CDHR2: variants seen among roughly 807,000 people sequenced by gnomAD.
The protein encoded by CDHR2 is cadherin-related family member 2.
Under a neutral mutation model 138.6 loss-of-function variants are expected in CDHR2, and 104 were observed. That is an observed-to-expected ratio of 0.75 (90% CI 0.64 to 0.88). CDHR2 has a LOEUF of 0.88. Among genes scored for constraint, CDHR2 ranks in the 40% least tolerant of loss-of-function variants. CDHR2 has a pLI of 0.00. For synonymous variants in CDHR2, 755 were observed against 742.8 expected, an observed-to-expected ratio of 1.02 and a Z score of -0.27; for missense variants, 1,624 against 1,727.6, an observed-to-expected ratio of 0.94 and a Z score of 1.06.
chr5:176,578,407 G>A lies in CDHR2; in HGVS notation c.1617G>A (p.Thr539=), dbSNP rs771061178. ...TGGATCCCGTCTCAGGGACGGTGACGGTGAGGAACGGTGAGCTGCTGGACC... is the reference window on the plus strand; with the variant it reads ...TGGATCCCGTCTCAGGGACGGTGACAGTGAGGAACGGTGAGCTGCTGGACC... The part of the protein sequence containing the change: ...FQVDPVSGTV[T]VRNGELLDRE... The change falls in exon 16 of 32, where the codon ACG becomes ACA. Residue 539 remains threonine, a synonymous_variant. Coordinates refer to ENST00000261944, the MANE Select transcript of CDHR2 (RefSeq NM_017675.6). 3.1e-6 allele frequency: 5 copies of A among 1,614,020 alleles called. No individual in the cohort carries two copies. Among genetic ancestry groups the A allele is most frequent in the South Asian group, 2.2e-5 (2 of 91,022 alleles).
intron 2 of CDHR2, 79 bp from the exon 3 acceptor site, chr5:176,565,593 G>A: frequency 7.4e-7 from 1 of 1,359,740 alleles, no homozygotes. Context: ...ATAAGGACTA[G>A]TGTGTGCTCC....
chr5:176,571,286 C>T lies in CDHR2; in HGVS notation c.389C>T (p.Ser130Phe). The T allele has an allele frequency of 6.2e-7, 1 of 1,607,882 alleles. No individual in the cohort carries two copies. Among genetic ancestry groups the T allele is most frequent in the Non-Finnish European group, 8.5e-7 (1 of 1,177,274 alleles). ...CCCGTTTTCCAGAACACCGCTTTCT[C>T]CACCAGCATCAACGAGGTGACACCT... ...NAPVFQNTAFSTSINETLPVG... is the reference protein window; with the variant it reads ...NAPVFQNTAFFTSINETLPVG... The change falls in exon 6 of 32, where the codon TCC (serine) becomes TTC (phenylalanine). Residue 130 changes from serine (S) to phenylalanine (F), a missense_variant. Ser to Phe is a radical substitution (Grantham distance 155). This residue lies in a region of CDHR2 where 1,061 missense variants were observed against 1,136.6 expected (regional missense o/e 0.93). Transcript: ENST00000261944.
At chr5:176,575,648 T>TGGAGGCAATGGGCCTGGGGCTCCGTC in intron 10 of CDHR2, 67 bp downstream of exon 10, 1 of 1,597,682 alleles carries the variant, frequency 6.3e-7, no homozygotes, top group South Asian at 1.1e-5. Context: ...TCAGAGTCCC[T>TGGAGGCAATGGGCCTGGGGCTCCGTC]GGAGGCAATG....
chr5:176,573,593 G>A (rs1262408726), intron 6 of CDHR2, among the ~76,000 whole-genome samples: 1 of 151,896 alleles, frequency 6.6e-6, no homozygotes, highest in East Asian at 1.9e-4. Flanking sequence ...GTTACAGTGA[G>A]CCGAGATCGT....
chr5:176,586,550 G>A (rs1758673606), intron 20 of CDHR2: 4 of 541,732 alleles, frequency 7.4e-6, no homozygotes, highest in Admixed American at 6.4e-5. Context: ...CCCTGGGCCA[G>A]GACTTCCCTC....
chr5:176,551,188 A>T (rs1392554287), intron 1 of CDHR2, among the ~76,000 whole-genome samples: 1 of 150,402 alleles, frequency 6.6e-6, no homozygotes, highest in African/African-American at 2.5e-5. Flanking sequence ...TTTTTTTGTG[A>T]GATGGAGTCT....
At position 176,581,525 on chromosome 5, in the gene CDHR2, G is replaced by T; in HGVS notation, c.2001G>T (p.Val667=). 2 of 1,614,180 alleles carry T rather than the reference G, an allele frequency of 1.2e-6. No homozygotes were observed. Among genetic ancestry groups the T allele is most frequent in the African/African-American group, 1.3e-5 (1 of 75,066 alleles). ...LEGRIVLTVL[V]SDCGEPVLGT... is the part of the protein sequence containing the mutation. ...GCCGCATTGTGCTGACAGTGCTTGT[G>T]TCTGACTGCGGCGAGCCTGTCCTCG... is the stretch of plus-strand genomic sequence containing the variant. Residue 667 remains valine (V), a synonymous_variant, in exon 17 of 32, where the codon GTG becomes GTT. Transcript: ENST00000261944.
At chr5:176,545,612 G>A (rs1757570571), upstream of CDHR2, among the ~76,000 whole-genome samples, 2 of 152,208 alleles carry the variant, frequency 1.3e-5, no homozygotes, top group Admixed American at 1.3e-4. Flanking sequence ...GGCCTATGAG[G>A]TGGAGTCTGC....
intron 21 of CDHR2, 138 bp downstream of exon 21, chr5:176,586,980 C>G: frequency 4.4e-6 from 3 of 682,672 alleles, no homozygotes; most frequent in Middle Eastern, 2.7e-4. Context: ...GGGAAACCAA[C>G]ACCTGTCTAA....
Position 176,584,247 on chromosome 5 carries a change from G to A in CDHR2, c.2116G>A (p.Glu706Lys). The change falls in exon 18 of 32, where the codon GAG (glutamate) becomes AAG (lysine). Residue 706 changes from glutamate (E) to lysine (K), a missense_variant. Physicochemically the swap from Glu to Lys is moderately conservative, Grantham distance 56 (BLOSUM62 1). Transcript: ENST00000261944. ...NQSSYNFTVK[E>K]EDPGVLVGVV... is the part of the protein sequence containing the mutation. Reference sequence around the variant, plus strand: ...GTCCAGCTACAACTTTACGGTGAAGGAGGAGGATCCAGGTATGTGCTCCCT... The same window carrying A: ...GTCCAGCTACAACTTTACGGTGAAGAAGGAGGATCCAGGTATGTGCTCCCT... The A allele has an allele frequency of 6.2e-7, 1 of 1,613,966 alleles. No homozygotes were observed. Among genetic ancestry groups the A allele is most frequent in the Non-Finnish European group, 8.5e-7 (1 of 1,179,832 alleles).
intron 31 of CDHR2, among the ~76,000 whole-genome samples, chr5:176,593,805 T>C (rs1232195035): frequency 6.6e-6 from 1 of 152,142 alleles, no homozygotes; most frequent in African/African-American, 2.4e-5. Context: ...GTCTTTAAAA[T>C]GGTAGAATGT....
intron 1 of CDHR2, among the ~76,000 whole-genome samples, chr5:176,558,386 T>G (rs936928366): frequency 6.7e-6 from 1 of 149,988 alleles, no homozygotes; most frequent in Non-Finnish European, 1.5e-5. Context: ...CAGCTAATTT[T>G]TTTTTTTTTT....
chr5:176,592,279 G>T (rs1255766478), intron 30 of CDHR2, among the ~76,000 whole-genome samples: 2 of 149,840 alleles, frequency 1.3e-5, no homozygotes, highest in Non-Finnish European at 3.0e-5. Flanking sequence ...TGATGATGGT[G>T]GTGATGGTGA....
chr5:176,576,137 C>A lies in CDHR2; in HGVS notation c.1146C>A (p.Pro382=), dbSNP rs537721550. The A allele has an allele frequency of 6.2e-7, 1 of 1,614,050 alleles. No homozygotes were observed. Among genetic ancestry groups the A allele is most frequent in the Non-Finnish European group, 8.5e-7 (1 of 1,180,052 alleles). The change falls in exon 12 of 32, where the codon CCC becomes CCA. Residue 382 remains proline (P), a synonymous_variant. Coordinates refer to ENST00000261944, the MANE Select transcript of CDHR2 (RefSeq NM_017675.6). The surrounding 1 kb of genome is among the most constrained non-coding windows in gnomAD (Gnocchi z 4.5). ...GCTACGTGGACGAGCATGCCTCCCC[C>A]CGCATCCCCATCGATGACCTCACCA... is the stretch of plus-strand genomic sequence containing the variant. The part of the protein sequence containing the change: ...FTGYVDEHAS[P]RIPIDDLTMV...
chr5:176,581,077 C>T (rs1758518875), intron 16 of CDHR2, among the ~76,000 whole-genome samples: 2 of 152,118 alleles, frequency 1.3e-5, no homozygotes, highest in Non-Finnish European at 2.9e-5. Context: ...TTTCTTTGCA[C>T]CTGGAACGGG....
upstream of CDHR2, among the ~76,000 whole-genome samples, chr5:176,545,489 A>G (rs565628312): frequency 1.3e-5 from 2 of 152,358 alleles, no homozygotes; most frequent in South Asian, 2.1e-4. Flanking sequence ...CACTTCAGAC[A>G]GTGGCTGTGA....
At chr5:176,567,078 CCT>C (rs1423534769) in intron 3 of CDHR2, 7 of 454,442 alleles carry the variant, frequency 1.5e-5, no homozygotes, top group Admixed American at 1.4e-4. Context: ...CAGAAAGTTC[CCT>C]GTGTCCAGTT....
intron 16 of CDHR2, among the ~76,000 whole-genome samples, chr5:176,580,158 TCA>T (rs879500557): frequency 1.4e-5 from 2 of 146,520 alleles, no homozygotes; most frequent in South Asian, 4.3e-4. Context: ...ACACACACAC[TCA>T]CACACGCACT....
At chr5:176,581,287 G>A in intron 16 of CDHR2, 56 bp from the exon 17 acceptor site, 1 of 1,600,298 alleles carries the variant, frequency 6.2e-7, no homozygotes, top group Non-Finnish European at 8.5e-7. Flanking sequence ...TGCATCGGAG[G>A]GGCTGGGGGC....
Sources: allele counts gnomAD v4.1 joint callset (sites outside exome capture counted in the v4.1 genomes callset), GRCh38; gene constraint gnomAD v4.1.1; regional missense constraint gnomAD v4.1.1; non-coding constraint Gnocchi (gnomAD v3.1); transcripts MANE v1.5; gene names NCBI Gene and HGNC (gene_info 2026-07-23, HGNC 2026-07-21).